Variants in PCDH9 observed in about 807,000 individuals in gnomAD.
PCDH9 encodes the protein protocadherin 9, also known as protocadherin-9.
PCDH9 carries 24 observed loss-of-function variants against 70.6 expected under a neutral mutation model. That is an observed-to-expected ratio of 0.34 (90% confidence interval 0.25 to 0.48). PCDH9 has a LOEUF of 0.48. Ranked by LOEUF, PCDH9 falls within the 20% of genes least tolerant of loss-of-function variation. PCDH9 has a pLI of 0.99. For missense variants in PCDH9, 1,281 were observed against 1,503.6 expected (o/e 0.85, Z 2.45); for synonymous variants, 562 against 558.5 (o/e 1.01, Z -0.09).
At chr13:67,087,478 T>C (rs1391421205) in intron 2 of PCDH9, among the ~76,000 whole-genome samples, 2 of 152,156 alleles carry the variant, frequency 1.3e-5, no homozygotes, top group Non-Finnish European at 2.9e-5. Context: ...ATATAGTAAG[T>C]AATTCAACCA....
At chr13:67,222,664 G>A (rs117447107) in intron 2 of PCDH9, 6 of 152,046 alleles carry the variant, frequency 3.9e-5, no homozygotes, top group East Asian at 1.9e-4. Flanking sequence ...AGCAATAGTC[G>A]TCACACAACT....
chr13:67,018,469 A>T (rs2139854525), intron 2 of PCDH9, among the ~76,000 whole-genome samples: 1 of 152,120 alleles, frequency 6.6e-6, no homozygotes, highest in African/African-American at 2.4e-5. Flanking sequence ...AAATACAAAA[A>T]TTAGCTGGGC....
At chr13:66,801,339 T>A (rs7322659) in intron 3 of PCDH9, among the ~76,000 whole-genome samples, 2,561 of 152,204 alleles carry the variant, frequency 0.017, 75 homozygotes, top group African/African-American at 0.058. Context: ...ACTTCCTTTT[T>A]TCCTGTGTGT....
chr13:66,963,414 CA>C (rs1248565164), intron 2 of PCDH9, among the ~76,000 whole-genome samples: 11 of 152,230 alleles, frequency 7.2e-5, no homozygotes, highest in African/African-American at 2.7e-4. Context: ...AGTACAATCT[CA>C]TTTCCAGCAT....
intron 3 of PCDH9, among the ~76,000 whole-genome samples, chr13:66,757,078 C>T (rs2079549280): frequency 1.3e-5 from 2 of 152,200 alleles, no homozygotes; most frequent in South Asian, 4.1e-4. Flanking sequence ...ATCAAGTGAT[C>T]CACCCACCTC....
intron 4 of PCDH9, among the ~76,000 whole-genome samples, chr13:66,609,954 C>CTTTTTTTTTTTTTTT (rs11333407): frequency 8.5e-6 from 1 of 117,134 alleles, no homozygotes; most frequent in African/African-American, 3.1e-5. Flanking sequence ...GCATTTCCTT[C>CTTTTTTTTTTTTTTT]TTTTTTTTTT....
intron 3 of PCDH9, among the ~76,000 whole-genome samples, chr13:66,852,382 C>T (rs2081328478): frequency 6.6e-6 from 1 of 152,046 alleles, no homozygotes; most frequent in African/African-American, 2.4e-5. Context: ...GTTAATCATC[C>T]TTCTCTGATC....
At chr13:66,951,255 T>C (rs1018235444) in intron 2 of PCDH9, among the ~76,000 whole-genome samples, 3 of 152,152 alleles carry the variant, frequency 2.0e-5, no homozygotes, top group African/African-American at 7.2e-5. Context: ...AATAGTGATA[T>C]AAATGAGGTG....
At chr13:66,425,001 A>T (rs1957643845) in intron 4 of PCDH9, among the ~76,000 whole-genome samples, 1 of 151,854 alleles carries the variant, frequency 6.6e-6, no homozygotes, top group African/African-American at 2.4e-5. Context: ...GAAAATTATG[A>T]CATGCCAGGA....
intron 3 of PCDH9, among the ~76,000 whole-genome samples, chr13:66,659,806 G>C (rs1285627265): frequency 6.6e-6 from 1 of 151,830 alleles, no homozygotes; most frequent in Non-Finnish European, 1.5e-5. Flanking sequence ...GTGTGTGCCT[G>C]TGTGTGTGTG....
At position 67,127,690 on chromosome 13, in the gene PCDH9, GTGTGTGTGTGTA is replaced by G. The variant is rs1458816253; in HGVS notation, c.3036+97703_3036+97714del. ...TATATATATATATGTGTGTGTGTGT[GTGTGTGTGTGTA>G]TGTGTGTGTGTGTACATATGTATAT... is the stretch of plus-strand genomic sequence containing the variant. On this transcript the variant is annotated intron_variant, in intron 2 of 4. Transcript: ENST00000377865. Among the ~76,000 whole-genome samples, 7 of 151,116 alleles carry G rather than the reference GTGTGTGTGTGTA, an allele frequency of 4.6e-5. No homozygotes were observed. The East Asian group carries it at 7.8e-4, about 17-fold the overall frequency.
chr13:67,166,479 G>C (rs1480531463), intron 2 of PCDH9, among the ~76,000 whole-genome samples: 1 of 152,148 alleles, frequency 6.6e-6, no homozygotes, highest in African/African-American at 2.4e-5. Flanking sequence ...GAGGATATTT[G>C]AGAATGGACC....
At chr13:66,514,566 T>A (rs74923163) in intron 4 of PCDH9, among the ~76,000 whole-genome samples, 1,637 of 151,994 alleles carry the variant, frequency 0.011, 38 homozygotes, top group East Asian at 0.091. Context: ...ACAATTTATG[T>A]TAAAAAATTT....
At chr13:66,323,198 G>GA (rs1438771411) in intron 4 of PCDH9, 18 of 151,950 alleles carry the variant, frequency 1.2e-4, no homozygotes, top group Admixed American at 1.2e-3. Context: ...TTACAGAGAA[G>GA]AATAAGGAAA....
intron 4 of PCDH9, among the ~76,000 whole-genome samples, chr13:66,363,727 A>G (rs1485891678): frequency 6.6e-6 from 1 of 152,194 alleles, no homozygotes. Context: ...AATATAAGTG[A>G]CTATATTTGT....
intron 2 of PCDH9, chr13:67,219,927 G>A (rs1213802210): frequency 6.6e-6 from 1 of 151,936 alleles, no homozygotes; most frequent in Non-Finnish European, 1.5e-5. Flanking sequence ...AGTCAAAGTA[G>A]TAAACAATCC....
At chr13:66,538,692 C>T (rs1055490544) in intron 4 of PCDH9, among the ~76,000 whole-genome samples, 1 of 151,846 alleles carries the variant, frequency 6.6e-6, no homozygotes, top group Non-Finnish European at 1.5e-5. Context: ...GGAGAGTGAT[C>T]TGCATTACCT....
At chr13:66,713,621 G>GTATATATATATATATATATATA (rs1415001060) in intron 3 of PCDH9, among the ~76,000 whole-genome samples, 1 of 16,884 alleles carries the variant, frequency 5.9e-5, no homozygotes, top group African/African-American at 1.3e-4. Flanking sequence ...AAGTGTGTGT[G>GTATATATATATATATATATATA]TGTGTATATA....
At chr13:67,134,816 G>A (rs530035550) in intron 2 of PCDH9, among the ~76,000 whole-genome samples, 61 of 151,998 alleles carry the variant, frequency 4.0e-4, no homozygotes, top group Non-Finnish European at 7.5e-4. Flanking sequence ...TAAAACGGCA[G>A]TTTAAACTCC....
Sources: allele counts gnomAD v4.1 joint callset (sites outside exome capture counted in the v4.1 genomes callset), GRCh38; gene constraint gnomAD v4.1.1; transcripts MANE v1.5; gene names NCBI Gene and HGNC (gene_info 2026-07-23, HGNC 2026-07-21).